CHID1: variants seen among roughly 807,000 people sequenced by gnomAD.
The protein encoded by CHID1 is chitinase domain containing 1.
Under a neutral mutation model 55.4 loss-of-function variants are expected in CHID1, and 44 were observed. That is an observed-to-expected ratio of 0.79 (90% CI 0.62 to 1.02). CHID1 has a LOEUF of 1.02. Among genes scored for constraint, CHID1 ranks in the 50% least tolerant of loss-of-function variants. The pLI, the probability that CHID1 is intolerant of heterozygous loss-of-function variation, is 0.00. For missense variants in CHID1, 491 were observed against 515.3 expected, an observed-to-expected ratio of 0.95 and a Z score of 0.46; for synonymous variants, 216 against 212.9, an observed-to-expected ratio of 1.01 and a Z score of -0.13.
upstream of CHID1, among the ~76,000 whole-genome samples, chr11:912,469 G>A (rs1173040416): frequency 6.6e-6 from 1 of 152,208 alleles, no homozygotes; most frequent in Non-Finnish European, 1.5e-5. Context: ...TCCTGGGGGA[G>A]TCTTGTCAGT....
intron 10 of CHID1, among the ~76,000 whole-genome samples, chr11:874,286 ACC>A (rs1481268520): frequency 6.6e-6 from 1 of 152,034 alleles, no homozygotes; most frequent in African/African-American, 2.4e-5. Flanking sequence ...ACGTGGTGAA[ACC>A]CCATCTCTAC....
At chr11:888,539 G>A (rs1017934090) in intron 8 of CHID1, among the ~76,000 whole-genome samples, 7 of 152,256 alleles carry the variant, frequency 4.6e-5, no homozygotes, top group African/African-American at 1.7e-4. Context: ...TGAGGTAACA[G>A]CTTGTCACGG....
upstream of CHID1, chr11:910,933 A>G (rs545260330): frequency 6.2e-5 from 42 of 681,182 alleles, no homozygotes; most frequent in Admixed American, 1.1e-3. Flanking sequence ...GGGCTGCCCG[A>G]AAGTCGGGGC....
At position 900,981 on chromosome 11, in the gene CHID1, C is replaced by T; in HGVS notation, c.395-1G>A. The stretch of plus-strand genomic sequence containing the variant: ...TGCTTCCTGACAGCTCGCATCCACC[C>T]TGTGGGACATGGAGGGGACAGTCAA... On this transcript the variant is annotated splice_acceptor_variant, in intron 4 of 12. Coordinates refer to ENST00000323578, the MANE Select transcript of CHID1 (RefSeq NM_023947.4). LOFTEE classifies it high-confidence loss of function. The T allele has an allele frequency of 6.3e-7, 1 of 1,599,350 alleles. No homozygotes were observed. Among genetic ancestry groups the T allele is most frequent in the Non-Finnish European group, 8.5e-7 (1 of 1,173,708 alleles).
In CHID1 at chr11:870,575, G is replaced by A. The variant is rs1849105753; in HGVS notation, c.960-76C>T. ...CCCACCCTGTACCCCCAAAGGCTGT[G>A]GCTCTCAGCAGGGGCAGGGCCACTC... is the stretch of plus-strand genomic sequence containing the variant. On this transcript the variant is annotated intron_variant, in intron 10 of 12. Transcript: ENST00000323578. 1.1e-5 allele frequency: 12 copies of A among 1,116,434 alleles called. No homozygotes were observed. The Admixed American group carries it at 2.2e-4, about 20-fold the overall frequency. The allele number at this position is 1,116,434 out of a possible 1,614,324, so 69.2% of individuals were successfully genotyped here.
At position 869,760 on chromosome 11, in the gene CHID1, C is replaced by T. The variant is rs1321567922; in HGVS notation, c.*98G>A. On this transcript the variant is annotated 3_prime_UTR_variant, in exon 13 of 13. Coordinates refer to ENST00000323578, the MANE Select transcript of CHID1 (RefSeq NM_023947.4). ...CCCCGACTGAGGACTGCAGCAGACCCGTCACAGCAAACGGAGTGGAGGCCT... is the reference window on the plus strand; with the variant it reads ...CCCCGACTGAGGACTGCAGCAGACCTGTCACAGCAAACGGAGTGGAGGCCT... The T allele has an allele frequency of 1.6e-5, 17 of 1,084,966 alleles. No individual in the cohort carries two copies. The East Asian group carries it at 2.4e-4, about 15-fold the overall frequency. The allele number at this position is 1,084,966 out of a possible 1,614,324, so 67.2% of individuals were successfully genotyped here. A position where few individuals can be genotyped will look rare whatever the true frequency, so the allele number is the denominator to read the frequency against.
chr11:888,116 G>A (rs189150685), intron 8 of CHID1, among the ~76,000 whole-genome samples: 1 of 152,350 alleles, frequency 6.6e-6, no homozygotes, highest in Admixed American at 6.5e-5. Flanking sequence ...TTTTCCCTTC[G>A]GGGCTCACGC....
intron 10 of CHID1, among the ~76,000 whole-genome samples, chr11:871,060 G>C (rs192907260): frequency 9.3e-4 from 140 of 150,842 alleles, no homozygotes; most frequent in African/African-American, 3.3e-3. Context: ...GTGCGATCTT[G>C]GTTCACTGCA....
intron 3 of CHID1, 46 bp downstream of exon 3, chr11:902,916 C>T: frequency 6.3e-7 from 1 of 1,589,124 alleles, no homozygotes; most frequent in Non-Finnish European, 8.6e-7. Context: ...GGGCAGCCCA[C>T]CTGAGCCTCA....
At chr11:911,798 G>GC (rs756642501), upstream of CHID1, among the ~76,000 whole-genome samples, 1 of 152,196 alleles carries the variant, frequency 6.6e-6, no homozygotes, top group Non-Finnish European at 1.5e-5. Flanking sequence ...ACTCAGCTTA[G>GC]CACTCGCTCT....
upstream of CHID1, chr11:914,571 C>G (rs1226945534): frequency 7.0e-6 from 9 of 1,289,274 alleles, no homozygotes; most frequent in Non-Finnish European, 9.1e-6. Flanking sequence ...CACAGACATC[C>G]TCAAAAGCAC....
At chr11:911,857 G>A (rs1852713674), upstream of CHID1, among the ~76,000 whole-genome samples, 1 of 152,182 alleles carries the variant, frequency 6.6e-6, no homozygotes, top group African/African-American at 2.4e-5. Flanking sequence ...TGGGGGTGAA[G>A]ACCTCAAGTC....
Position 884,073 on chromosome 11 carries a change from C to G in CHID1, c.798G>C (p.Ala266=), listed in dbSNP as rs375089194. Residue 266 remains alanine (A), a synonymous_variant, in exon 9 of 13, where the codon GCG becomes GCC. Transcript: ENST00000323578. ...CCCCCCAAGCCCACACTCACTGATGCGCTGTAGAGTAGTCGTAGGTCATGA... is the reference window on the plus strand; with the variant it reads ...CCCCCCAAGCCCACACTCACTGATGGGCTGTAGAGTAGTCGTAGGTCATGA... ...FSLMTYDYST[A]HQPGPNAPLS... 3.7e-6 allele frequency: 6 copies of G among 1,612,920 alleles called. No homozygotes were observed. The Admixed American group carries it at 8.3e-5, about 22-fold the overall frequency.
intron 8 of CHID1, among the ~76,000 whole-genome samples, chr11:891,737 G>A (rs1424176980): frequency 1.3e-5 from 2 of 152,192 alleles, no homozygotes; most frequent in African/African-American, 4.8e-5. Context: ...AACCACCTGA[G>A]ACAGGTGCTG....
At chr11:892,533 A>T (rs1367258439) in intron 8 of CHID1, among the ~76,000 whole-genome samples, 1 of 152,192 alleles carries the variant, frequency 6.6e-6, no homozygotes, top group Non-Finnish European at 1.5e-5. Context: ...CTTCCATCAA[A>T]GGATCAGTCT....
chr11:897,982 G>A (rs1425130832), intron 7 of CHID1, among the ~76,000 whole-genome samples: 1 of 152,230 alleles, frequency 6.6e-6, no homozygotes, highest in South Asian at 2.1e-4. Context: ...GAGCAGTTCC[G>A]GGAAGAGCCT....
chr11:883,092 A>G, intron 10 of CHID1, 56 bp downstream of exon 10: 1 of 1,562,820 alleles, frequency 6.4e-7, no homozygotes, highest in Non-Finnish European at 8.7e-7. Context: ...CCTTACACCC[A>G]CACCCACCCG....
At chr11:899,821 GA>G (rs1851668634) in intron 6 of CHID1, among the ~76,000 whole-genome samples, 182 bp downstream of exon 6, 1 of 152,252 alleles carries the variant, frequency 6.6e-6, no homozygotes, top group Non-Finnish European at 1.5e-5. Context: ...CCATGGTCAA[GA>G]AAGCGAGCAG....
chr11:883,058 G>A lies in CHID1; in HGVS notation c.959+90C>T, dbSNP rs541055410. ...TGTGGGGCAGAAGCCCCAGGGGACC[G>A]AGACCCTCCCCATCACTCTGTCTCC... On this transcript the variant is annotated intron_variant, in intron 10 of 12. Transcript: ENST00000323578. 595 of 1,400,258 alleles carry A rather than the reference G, an allele frequency of 4.2e-4. 3 individuals carry two copies. The highest frequency in any genetic ancestry group is 3.3e-3 in the African/African-American group (232 of 70,322). 86.7% of individuals were successfully genotyped at this position (1,400,258 alleles called of 1,614,324 possible).
Sources: gnomAD v4.1 joint callset for allele counts (sites outside exome capture counted in the v4.1 genomes callset) on GRCh38, gnomAD v4.1.1 for gene constraint, MANE v1.5 for transcripts, NCBI Gene and HGNC (gene_info 2026-07-23, HGNC 2026-07-21) for gene names.